Variants in ADCY9 observed in about 807,000 individuals in gnomAD.
ADCY9 encodes adenylate cyclase 9, also known as adenylate cyclase type 9.
A neutral mutation model predicts 101.5 loss-of-function variants in ADCY9; 50 were observed. The ratio of observed to expected loss-of-function variants is 0.49; its 90% CI spans 0.39 to 0.62. ADCY9 has a LOEUF of 0.62. Among genes scored for constraint, ADCY9 ranks in the 20% least tolerant of loss-of-function variants. ADCY9 has a pLI of 0.00. For synonymous variants in ADCY9, 905 were observed against 769.3 expected (o/e 1.18, Z -2.92); for missense variants, 1,662 against 1,800.4 (o/e 0.92, Z 1.39).
rs538354294 is a variant in ADCY9, at chr16:4,028,945, C to T, written c.1694-21387G>A. On this transcript the variant is annotated intron_variant, in intron 2 of 10. Transcript: ENST00000294016. ...GACTACAGGCACCTGCCACTGCACG[C>T]GGCTAATTTTCGTATTTTTAGTAGA... Among the ~76,000 whole-genome samples the T allele has an allele frequency of 2.3e-3, 349 of 152,130 alleles. 1 individual carries two copies. The highest frequency in any genetic ancestry group is 7.4e-3 in the African/African-American group (306 of 41,520).
chr16:3,989,225 G>A, intron 5 of ADCY9, 129 bp from the exon 6 acceptor site: 1 of 658,382 alleles, frequency 1.5e-6, no homozygotes, highest in Non-Finnish European at 2.7e-6. Context: ...AAAAGCGCCT[G>A]TGGAACAGAC....
chr16:4,081,282 G>A (rs1385988423), intron 2 of ADCY9, among the ~76,000 whole-genome samples: 1 of 152,174 alleles, frequency 6.6e-6, no homozygotes, highest in Non-Finnish European at 1.5e-5. Flanking sequence ...AAGGTTGCAC[G>A]TTGCTCACAG....
At chr16:4,030,941 T>G (rs959221413) in intron 2 of ADCY9, among the ~76,000 whole-genome samples, 1 of 152,284 alleles carries the variant, frequency 6.6e-6, no homozygotes, top group Admixed American at 6.5e-5. Context: ...ATTTTATGTA[T>G]GCATATTACA....
intron 2 of ADCY9, among the ~76,000 whole-genome samples, chr16:4,109,486 C>T (rs1356600783): frequency 1.3e-5 from 2 of 152,174 alleles, no homozygotes; most frequent in Non-Finnish European, 2.9e-5. Flanking sequence ...CCAGGGGTTC[C>T]GGGCCTCTGT....
chr16:4,114,575 A>C lies in ADCY9; in HGVS notation c.868T>G (p.Cys290Gly). The C allele has an allele frequency of 6.2e-7, 1 of 1,614,006 alleles. No homozygotes were observed. The highest frequency in any genetic ancestry group is 8.5e-7 in the Non-Finnish European group (1 of 1,180,048). The change falls in exon 2 of 11, where the codon TGC becomes GGC. Residue 290 changes from cysteine to glycine, a missense_variant. This residue lies in a region of ADCY9 where 422 missense variants were observed against 392.0 expected (regional missense o/e 1.08). Transcript: ENST00000294016. This position sits in a 1 kb window ranked among gnomAD's most constrained non-coding sequence, Gnocchi z 4.3. ...ELLSRGLLHG[C>G]IHAIGVHLFV... ...AGGTGGACCCCGATGGCGTGGATGC[A>C]GCCGTGGAGCAGCCCCCTGCTCAGC...
At chr16:4,080,549 G>C (rs985081799) in intron 2 of ADCY9, among the ~76,000 whole-genome samples, 5 of 152,000 alleles carry the variant, frequency 3.3e-5, no homozygotes, top group African/African-American at 1.2e-4. Flanking sequence ...ATGACCCACC[G>C]TTCCCAGCCC....
At position 3,956,503 on chromosome 16, in the gene ADCY9, T is replaced by TTTTTTTTTG. The variant is rs55792938; in HGVS notation, c.568-2988_568-2987insCAAAAAAAA. Among the ~76,000 whole-genome samples the TTTTTTTTTG allele has an allele frequency of 4.0e-4, 28 of 69,564 alleles. 1 individual carries two copies. The highest frequency in any genetic ancestry group is 1.1e-3 in the African/African-American group (27 of 24,754). 45.6% of individuals were successfully genotyped at this position (69,564 alleles called of 152,430 possible). ...GCGCAATGAGCTTTTTTTTTTTTTT[T>TTTTTTTTTG]GGGGGGGGATGGAGTCTCCCTCTGT... is the stretch of plus-strand genomic sequence containing the variant. On this transcript the variant is annotated intron_variant, in intron 5 of 5. Coordinates refer to the ADCY9 transcript ENST00000576936.
chr16:4,058,025 G>A (rs1286193380), intron 2 of ADCY9, among the ~76,000 whole-genome samples: 1 of 152,020 alleles, frequency 6.6e-6, no homozygotes, highest in Non-Finnish European at 1.5e-5. Context: ...CAGGCGTGGT[G>A]GTGGGCACCT....
At chr16:4,006,845 C>A (rs2056370398) in intron 3 of ADCY9, among the ~76,000 whole-genome samples, 1 of 152,120 alleles carries the variant, frequency 6.6e-6, no homozygotes, top group South Asian at 2.1e-4. Flanking sequence ...ACCAGGAGAT[C>A]CCGGTTCCAA....
intron 2 of ADCY9, among the ~76,000 whole-genome samples, chr16:4,011,841 T>C (rs1165078739): frequency 6.6e-6 from 1 of 152,140 alleles, no homozygotes; most frequent in African/African-American, 2.4e-5. Flanking sequence ...GCAGGGCTAG[T>C]GAGCTGCTTC....
At chr16:4,104,221 C>T (rs1265619771) in intron 2 of ADCY9, among the ~76,000 whole-genome samples, 2 of 152,158 alleles carry the variant, frequency 1.3e-5, no homozygotes, top group African/African-American at 2.4e-5. Flanking sequence ...GGAAAACTTA[C>T]ATCAGCCACT....
chr16:4,007,667 A>G, intron 2 of ADCY9, 109 bp from the exon 3 acceptor site: 3 of 924,324 alleles, frequency 3.2e-6, no homozygotes, highest in South Asian at 3.5e-5. Flanking sequence ...TTGAGAGTAA[A>G]GTGAAAATGT....
At chr16:3,975,209 T>G (rs932146502) in intron 9 of ADCY9, among the ~76,000 whole-genome samples, 2 of 152,162 alleles carry the variant, frequency 1.3e-5, no homozygotes, top group Non-Finnish European at 2.9e-5. Context: ...GTTTGCTGGA[T>G]TTCATACTCT....
intron 2 of ADCY9, among the ~76,000 whole-genome samples, chr16:4,073,155 C>T (rs1367323357): frequency 3.3e-5 from 5 of 152,174 alleles, no homozygotes; most frequent in Admixed American, 1.3e-4. Context: ...AATGCAGTGA[C>T]GTGATCTCAG....
chr16:4,084,887 C>T (rs981515863), intron 2 of ADCY9, among the ~76,000 whole-genome samples: 2 of 152,142 alleles, frequency 1.3e-5, no homozygotes, highest in South Asian at 2.1e-4. Context: ...ACTTAACTTG[C>T]GCATTTATGA....
At chr16:4,038,606 C>T (rs987477346) in intron 2 of ADCY9, among the ~76,000 whole-genome samples, 4 of 152,106 alleles carry the variant, frequency 2.6e-5, no homozygotes, top group East Asian at 3.8e-4. Context: ...GATACCGTGT[C>T]GCTGTACACT....
chr16:4,115,588 C>T lies in ADCY9; in HGVS notation c.-44+102G>A. The T allele has an allele frequency of 1.0e-6, 1 of 964,726 alleles. No homozygotes were observed. The allele number at this position is 964,726 out of a possible 1,614,324, so 59.8% of individuals were successfully genotyped here. On this transcript the variant is annotated intron_variant, in intron 1 of 10. Coordinates refer to ENST00000294016, the MANE Select transcript of ADCY9 (RefSeq NM_001116.4). This position sits in a 1 kb window ranked among gnomAD's most constrained non-coding sequence, Gnocchi z 6.2. ...CTAAGGGGCGGCTCCAGCACGCGAC[C>T]TGGACAGGCACCATCTGTTCCTGTG... is the stretch of plus-strand genomic sequence containing the variant.
intron 2 of ADCY9, among the ~76,000 whole-genome samples, chr16:4,065,093 T>C (rs1226565591): frequency 6.6e-6 from 1 of 152,220 alleles, no homozygotes; most frequent in Non-Finnish European, 1.5e-5. Flanking sequence ...TGACTGCGTG[T>C]GTCAATCTCT....
At chr16:4,080,024 G>T (rs957493382) in intron 2 of ADCY9, among the ~76,000 whole-genome samples, 2 of 151,758 alleles carry the variant, frequency 1.3e-5, no homozygotes, top group African/African-American at 4.8e-5. Flanking sequence ...TATTTACAAA[G>T]GAAAGAAAAA....
Sources: gnomAD v4.1 joint callset for allele counts (sites outside exome capture counted in the v4.1 genomes callset) on GRCh38, gnomAD v4.1.1 for gene constraint, gnomAD v4.1.1 regional missense constraint, Gnocchi (gnomAD v3.1) non-coding constraint, MANE v1.5 for transcripts, NCBI Gene and HGNC (gene_info 2026-07-23, HGNC 2026-07-21) for gene names.